SCN1A: variants seen among roughly 807,000 people sequenced by gnomAD.
SCN1A encodes the protein sodium channel protein type 1 subunit alpha.
In SCN1A, 13 loss-of-function variants were observed where a neutral mutation model predicts 193.7. The observed-to-expected ratio is 0.07, with a 90% CI of 0.04 to 0.11. The LOEUF (loss-of-function observed/expected upper bound fraction) is 0.11, where lower values mean the gene tolerates loss of function less well. SCN1A is among the 10% of genes least tolerant of loss of function. SCN1A has a pLI of 1.00. For missense variants in SCN1A, 1,432 were observed against 2,451.1 expected (o/e 0.58, Z 8.78); for synonymous variants, 781 against 843.6 (o/e 0.93, Z 1.29).
chr2:166,046,090 A>C lies in SCN1A; in HGVS notation c.1377+680T>G, dbSNP rs1197037436. On this transcript the variant is annotated intron_variant, in intron 12 of 28. Coordinates refer to ENST00000674923, the MANE Select transcript of SCN1A (RefSeq NM_001165963.4). ...GATAAATTAATTACTCTTGCATATA[A>C]ATTAATATTTCTGAAACAACTTTCT... Among the ~76,000 whole-genome samples, 6 of 152,266 alleles carry C rather than the reference A, an allele frequency of 3.9e-5. No individual in the cohort carries two copies. The South Asian group carries it at 8.3e-4, about 21-fold the overall frequency.
intron 7 of SCN1A, among the ~76,000 whole-genome samples, chr2:166,053,943 A>C (rs570206387): frequency 9.9e-5 from 15 of 152,036 alleles, no homozygotes; most frequent in African/African-American, 3.6e-4. Context: ...TACTGAGTGG[A>C]TATGAATAGG....
chr2:166,010,362 C>T (rs777517915), intron 22 of SCN1A, among the ~76,000 whole-genome samples: 1 of 151,002 alleles, frequency 6.6e-6, no homozygotes, highest in Admixed American at 6.6e-5. Flanking sequence ...CTTGGTAATA[C>T]CTTGCATTTT....
intron 24 of SCN1A, among the ~76,000 whole-genome samples, chr2:166,000,382 T>C (rs1248420130): frequency 6.6e-6 from 1 of 151,716 alleles, no homozygotes; most frequent in Non-Finnish European, 1.5e-5. Context: ...CTGAAATTCT[T>C]GAAGATAATA....
chr2:166,028,349 T>C (rs1372315780), intron 19 of SCN1A, among the ~76,000 whole-genome samples: 1 of 151,954 alleles, frequency 6.6e-6, no homozygotes, highest in Non-Finnish European at 1.5e-5. Context: ...CATTGTTAAA[T>C]TCATTTTGCC....
chr2:166,132,154 G>C (rs1017322681), upstream of SCN1A, among the ~76,000 whole-genome samples: 1 of 152,168 alleles, frequency 6.6e-6, no homozygotes, highest in East Asian at 1.9e-4. Flanking sequence ...CAGGTCTTCT[G>C]ATGAAGTCGG....
Position 166,064,937 on chromosome 2 carries a change from T to C in SCN1A, c.265-6249A>G, listed in dbSNP as rs1683683725. ...CTACTGGTTGGTTAAATTTATCCTT[T>C]AGCTTCAAAGTTTGAAACAGGCAAT... On this transcript the variant is annotated intron_variant, in intron 4 of 28. Coordinates refer to ENST00000674923, the MANE Select transcript of SCN1A (RefSeq NM_001165963.4). 6.6e-5 allele frequency among the ~76,000 whole-genome samples: 10 copies of C among 152,216 alleles called. No individual in the cohort carries two copies. In the South Asian group the frequency reaches 2.1e-3, roughly 31 times the overall value.
intron 2 of SCN1A, among the ~76,000 whole-genome samples, chr2:166,125,974 T>C (rs1691205834): frequency 6.6e-6 from 1 of 152,146 alleles, no homozygotes; most frequent in Non-Finnish European, 1.5e-5. Context: ...TGGCCTCCTA[T>C]ATAGATATTT....
chr2:166,130,874 A>G (rs1691631148), upstream of SCN1A, among the ~76,000 whole-genome samples: 1 of 152,188 alleles, frequency 6.6e-6, no homozygotes, highest in Middle Eastern at 3.2e-3. Context: ...GATTTTTATT[A>G]AATTAGTGTA....
chr2:166,049,543 A>G (rs1194872187), intron 9 of SCN1A, among the ~76,000 whole-genome samples: 1 of 152,026 alleles, frequency 6.6e-6, no homozygotes, highest in Admixed American at 6.6e-5. Context: ...AGCAATTTTA[A>G]AAAGTCTTAA....
At chr2:166,049,993 A>G (rs1274213275) in intron 9 of SCN1A, among the ~76,000 whole-genome samples, 2 of 152,066 alleles carry the variant, frequency 1.3e-5, no homozygotes, top group Non-Finnish European at 2.9e-5. Context: ...TGAGGAATTT[A>G]TTCCATACAT....
intron 4 of SCN1A, 30 bp from the exon 5 acceptor site, chr2:166,058,718 T>C: frequency 8.0e-7 from 1 of 1,247,774 alleles, no homozygotes; most frequent in Non-Finnish European, 1.2e-6. Context: ...CATAGAAGTA[T>C]GAAAGTATAA....
chr2:166,073,732 T>A, intron 3 of SCN1A, 62 bp from the exon 4 acceptor site: 1 of 1,218,618 alleles, frequency 8.2e-7, no homozygotes, highest in Non-Finnish European at 1.2e-6. Flanking sequence ...TATAAATAAA[T>A]TCTTGTCATG....
chr2:166,005,824 A>T (rs1691577004), intron 23 of SCN1A, among the ~76,000 whole-genome samples: 1 of 151,382 alleles, frequency 6.6e-6, no homozygotes, highest in Admixed American at 6.6e-5. Flanking sequence ...ACAAATTTCA[A>T]ATTGAACTTT....
At chr2:166,070,769 GA>G (rs199520089) in intron 4 of SCN1A, among the ~76,000 whole-genome samples, 3 of 151,728 alleles carry the variant, frequency 2.0e-5, no homozygotes, top group African/African-American at 4.8e-5. Context: ...TTTAATTAAA[GA>G]AAAAAAAGAT....
At chr2:166,076,982 CTT>C (rs1014376058) in intron 3 of SCN1A, 6 of 151,710 alleles carry the variant, frequency 4.0e-5, no homozygotes, top group African/African-American at 1.5e-4. Flanking sequence ...TTGTTGATAA[CTT>C]TTTAGTTCTC....
chr2:166,130,668 A>G (rs937155925), upstream of SCN1A, among the ~76,000 whole-genome samples: 1 of 152,198 alleles, frequency 6.6e-6, no homozygotes, highest in African/African-American at 2.4e-5. Flanking sequence ...AGCATTGAGC[A>G]TAAGGAGATA....
intron 2 of SCN1A, among the ~76,000 whole-genome samples, chr2:166,081,378 T>A (rs189498810): frequency 9.9e-5 from 15 of 151,938 alleles, no homozygotes; most frequent in Non-Finnish European, 2.1e-4. Flanking sequence ...TGGCCTTTTA[T>A]AAGTAAATCA....
In SCN1A at chr2:166,041,475, T is replaced by TAAA; in HGVS notation, c.2177-7_2177-6insTTT. ...CTGCCTGGATTCTTCAAGTTCTAGA[T>TAAA]TAAGAAAAAAAAAAAAAAGAACCAC... On this transcript the variant is annotated splice_polypyrimidine_tract_variant and splice_region_variant and intron_variant, in intron 15 of 28. Coordinates refer to ENST00000674923, the MANE Select transcript of SCN1A (RefSeq NM_001165963.4). The TAAA allele has an allele frequency of 7.1e-7, 1 of 1,413,088 alleles. No homozygotes were observed. Among genetic ancestry groups the TAAA allele is most frequent in the Admixed American group, 2.2e-5 (1 of 46,454 alleles). 87.5% of individuals were successfully genotyped at this position (1,413,088 alleles called of 1,614,324 possible).
At chr2:166,081,290 T>A (rs1685494281) in intron 2 of SCN1A, among the ~76,000 whole-genome samples, 1 of 151,974 alleles carries the variant, frequency 6.6e-6, no homozygotes, top group Non-Finnish European at 1.5e-5. Context: ...AATGAAGTAT[T>A]TCATTTTCCC....
Sources: allele counts gnomAD v4.1 joint callset (sites outside exome capture counted in the v4.1 genomes callset), GRCh38; gene constraint gnomAD v4.1.1; transcripts MANE v1.5; gene names NCBI Gene and HGNC (gene_info 2026-07-23, HGNC 2026-07-21).